The following NALF1 variants were observed in gnomAD, a reference collection of about 807,000 sequenced individuals.
NALF1 encodes the protein NALCN channel auxiliary factor 1.
Under a neutral mutation model 48.4 loss-of-function variants are expected in NALF1, and 3 were observed. That is an observed-to-expected ratio of 0.06 (90% CI 0.03 to 0.16). NALF1 has a LOEUF of 0.16. Among genes scored for constraint, NALF1 ranks in the 10% least tolerant of loss-of-function variants. The pLI, the probability that NALF1 is intolerant of heterozygous loss-of-function variation, is 1.00. For synonymous variants in NALF1, 262 were observed against 245.7 expected, an observed-to-expected ratio of 1.07 and a Z score of -0.62; for missense variants, 526 against 571.5, an observed-to-expected ratio of 0.92 and a Z score of 0.81.
At chr13:107,355,605 G>A (rs987939244) in intron 1 of NALF1, among the ~76,000 whole-genome samples, 1 of 152,056 alleles carries the variant, frequency 6.6e-6, no homozygotes, top group African/African-American at 2.4e-5. Context: ...GTTCTCATGA[G>A]ATCTGGTTGT....
At chr13:107,683,835 A>G (rs1439392323) in intron 1 of NALF1, among the ~76,000 whole-genome samples, 1 of 79,490 alleles carries the variant, frequency 1.3e-5, no homozygotes, top group Non-Finnish European at 2.9e-5. Flanking sequence ...CTGGACTCCC[A>G]GTGGAACACA....
At chr13:107,560,188 T>G (rs1489830927) in intron 1 of NALF1, among the ~76,000 whole-genome samples, 3 of 152,140 alleles carry the variant, frequency 2.0e-5, no homozygotes, top group Admixed American at 2.0e-4. Flanking sequence ...ATTCACAGGT[T>G]TCCAGGAATG....
At chr13:107,831,483 C>T (rs907817674) in intron 1 of NALF1, among the ~76,000 whole-genome samples, 2 of 151,762 alleles carry the variant, frequency 1.3e-5, no homozygotes, top group Non-Finnish European at 2.9e-5. Flanking sequence ...CAGAGTTTCG[C>T]TGGTTTGGCT....
intron 1 of NALF1, among the ~76,000 whole-genome samples, chr13:107,697,729 A>T (rs1334894708): frequency 6.6e-6 from 1 of 152,170 alleles, no homozygotes; most frequent in Non-Finnish European, 1.5e-5. Context: ...AAGAATCAAA[A>T]GTATTAACAT....
At chr13:107,498,879 C>G (rs74336895) in intron 1 of NALF1, among the ~76,000 whole-genome samples, 10 of 152,166 alleles carry the variant, frequency 6.6e-5, no homozygotes, top group African/African-American at 2.4e-4. Flanking sequence ...CAGCTAGAAG[C>G]GCAGTTTTCA....
intron 1 of NALF1, among the ~76,000 whole-genome samples, chr13:107,668,165 C>A (rs903505352): frequency 1.3e-5 from 2 of 152,098 alleles, no homozygotes; most frequent in African/African-American, 4.8e-5. Context: ...TATCACCTAA[C>A]AATCCACCAA....
In NALF1 at chr13:107,867,203, T is replaced by C. The variant is rs1191100704; in HGVS notation, c.-607A>G. On this transcript the variant is annotated 5_prime_UTR_variant, in exon 1 of 3. Coordinates refer to ENST00000375915, the MANE Select transcript of NALF1 (RefSeq NM_001080396.3). This position sits in a 1 kb window ranked among gnomAD's most constrained non-coding sequence, Gnocchi z 4.4. Reference sequence around the variant, plus strand: ...CTTCTCCTTCTTCTTCTCCTCCGCCTCCCGCTCCTGCTCCGCGCTGGCTCT... The same window carrying C: ...CTTCTCCTTCTTCTTCTCCTCCGCCCCCCGCTCCTGCTCCGCGCTGGCTCT... Among the ~76,000 whole-genome samples, 3 of 150,990 alleles carry C rather than the reference T, an allele frequency of 2.0e-5. No individual in the cohort carries two copies. Among genetic ancestry groups the C allele is most frequent in the Non-Finnish European group, 4.4e-5 (3 of 67,684 alleles).
intron 1 of NALF1, among the ~76,000 whole-genome samples, chr13:107,227,854 A>G (rs1291959610): frequency 6.6e-6 from 1 of 152,264 alleles, no homozygotes; most frequent in Non-Finnish European, 1.5e-5. Context: ...GTATGAAGTA[A>G]CTATATACAT....
At chr13:107,624,450 C>G (rs1375335582) in intron 1 of NALF1, among the ~76,000 whole-genome samples, 2 of 152,024 alleles carry the variant, frequency 1.3e-5, no homozygotes, top group Non-Finnish European at 2.9e-5. Flanking sequence ...ATCTGTAGTT[C>G]TGGAAAAAAC....
At position 107,797,313 on chromosome 13, in the gene NALF1, C is replaced by T. The variant is rs372379721; in HGVS notation, c.915+68369G>A. Among the ~76,000 whole-genome samples, 16 of 152,308 alleles carry T rather than the reference C, an allele frequency of 1.1e-4. No homozygotes were observed. In the South Asian group the frequency reaches 3.3e-3, roughly 32 times the overall value. ...CTCTGCTTCCCGGGTTCATGCCATT[C>T]TCCTGCCTCAGCCTCCCCAGTAACT... On this transcript the variant is annotated intron_variant, in intron 1 of 2. Coordinates refer to ENST00000375915, the MANE Select transcript of NALF1 (RefSeq NM_001080396.3).
intron 1 of NALF1, among the ~76,000 whole-genome samples, chr13:107,702,648 T>G (rs185898643): frequency 6.6e-6 from 1 of 152,254 alleles, no homozygotes; most frequent in East Asian, 1.9e-4. Flanking sequence ...ATCACCTAGG[T>G]ATTAAGCCCA....
intron 2 of NALF1, among the ~76,000 whole-genome samples, chr13:107,181,596 G>A (rs1426843622): frequency 7.7e-6 from 1 of 129,096 alleles, no homozygotes; most frequent in Non-Finnish European, 1.6e-5. Flanking sequence ...TGTTTTCCTT[G>A]TGTCTTACTA....
intron 1 of NALF1, among the ~76,000 whole-genome samples, chr13:107,287,300 C>T (rs1353291119): frequency 6.6e-6 from 1 of 152,184 alleles, no homozygotes; most frequent in Non-Finnish European, 1.5e-5. Context: ...ATATACAATG[C>T]CACATAGTAA....
intron 1 of NALF1, among the ~76,000 whole-genome samples, chr13:107,452,402 A>G (rs758298679): frequency 6.6e-6 from 1 of 152,224 alleles, no homozygotes; most frequent in Non-Finnish European, 1.5e-5. Context: ...AAAGCAAGGC[A>G]TCTTCTTCAC....
In NALF1 at chr13:107,506,581, G is replaced by C. The variant is rs188375766; in HGVS notation, c.916-295826C>G. The stretch of plus-strand genomic sequence containing the variant: ...CCTACCCCAGCTCAAGGCAGCCACT[G>C]TTGTGCATTTTTCTCTATTTATTTT... On this transcript the variant is annotated intron_variant, in intron 1 of 2. Coordinates refer to ENST00000375915, the MANE Select transcript of NALF1 (RefSeq NM_001080396.3). Among the ~76,000 whole-genome samples, 27 of 88,038 alleles carry C rather than the reference G, an allele frequency of 3.1e-4. No homozygotes were observed. In the East Asian group the frequency reaches 6.7e-3, roughly 22 times the overall value. The allele number at this position is 88,038 out of a possible 152,430, so 57.8% of individuals were successfully genotyped here.
chr13:107,782,246 G>A (rs1341819233), intron 1 of NALF1, among the ~76,000 whole-genome samples: 4 of 152,228 alleles, frequency 2.6e-5, no homozygotes. Context: ...GTGGAGACGG[G>A]GTTTCGCTGT....
At chr13:107,172,572 C>T (rs1409965598) in intron 2 of NALF1, among the ~76,000 whole-genome samples, 1 of 152,038 alleles carries the variant, frequency 6.6e-6, no homozygotes, top group Non-Finnish European at 1.5e-5. Context: ...ACTTCACCTT[C>T]GCCTAGGTAG....
intron 1 of NALF1, among the ~76,000 whole-genome samples, chr13:107,692,914 T>C (rs1881599682): frequency 1.3e-5 from 2 of 152,168 alleles, no homozygotes; most frequent in South Asian, 4.1e-4. Context: ...TATACTTGGG[T>C]TGGTTCCAAG....
intron 1 of NALF1, among the ~76,000 whole-genome samples, chr13:107,601,754 C>A (rs1256225410): frequency 6.6e-6 from 1 of 150,534 alleles, no homozygotes; most frequent in Non-Finnish European, 1.5e-5. Context: ...CACACACACA[C>A]AATAAAAAAA....
Sources: gnomAD v4.1 joint callset for allele counts (sites outside exome capture counted in the v4.1 genomes callset) on GRCh38, gnomAD v4.1.1 for gene constraint, Gnocchi (gnomAD v3.1) non-coding constraint, MANE v1.5 for transcripts, NCBI Gene and HGNC (gene_info 2026-07-23, HGNC 2026-07-21) for gene names.